The following TNFSF4 variants were observed in gnomAD, a reference collection of about 807,000 sequenced individuals.
The protein encoded by TNFSF4 is TNF superfamily member 4.
A neutral mutation model predicts 7.3 loss-of-function variants in TNFSF4; 4 were observed. The observed-to-expected ratio is 0.55, with a 90% CI of 0.27 to 1.25. The LOEUF (loss-of-function observed/expected upper bound fraction) is 1.25. TNFSF4 is among the 50% of genes most tolerant of loss of function. TNFSF4 has a pLI of 0.12. For synonymous variants in TNFSF4, 76 were observed against 83.7 expected (o/e 0.91, Z 0.50); for missense variants, 181 against 208.8 (o/e 0.87, Z 0.82).
the TNFSF4 span, among the ~76,000 whole-genome samples, chr1:173,294,927 AT>A: frequency 1.3e-5 from 2 of 152,020 alleles, no homozygotes; most frequent in Non-Finnish European, 2.9e-5. Flanking sequence ...AGACAATCCA[AT>A]TTTTTAACGG....
At chr1:173,418,358 G>A in the TNFSF4 span, 2 of 152,230 alleles carry the variant, frequency 1.3e-5, no homozygotes, top group African/African-American at 4.8e-5. Context: ...TGTGCATACG[G>A]TGCACCTTCC....
chr1:173,331,934 G>T, the TNFSF4 span, among the ~76,000 whole-genome samples: 6 of 152,066 alleles, frequency 3.9e-5, no homozygotes, highest in Non-Finnish European at 8.8e-5. Flanking sequence ...GACATTTTTG[G>T]TTGTCATATC....
At chr1:173,389,423 T>C in the TNFSF4 span, among the ~76,000 whole-genome samples, 2 of 152,200 alleles carry the variant, frequency 1.3e-5, no homozygotes, top group Admixed American at 1.3e-4. Context: ...ATTCTCTTTA[T>C]TTCTTTTTCC....
the TNFSF4 span, among the ~76,000 whole-genome samples, chr1:173,403,414 G>C: frequency 3.3e-5 from 5 of 152,200 alleles, no homozygotes; most frequent in Admixed American, 1.3e-4. Flanking sequence ...GTTCGCCAAT[G>C]TAAGTGTCTG....
At chr1:173,265,153 T>C in the TNFSF4 span, among the ~76,000 whole-genome samples, 27 of 152,330 alleles carry the variant, frequency 1.8e-4, no homozygotes, top group South Asian at 5.4e-3. Context: ...CAATGTAGCA[T>C]AGTAAGATTC....
chr1:173,233,214 G>C, the TNFSF4 span, among the ~76,000 whole-genome samples: 1 of 152,170 alleles, frequency 6.6e-6, no homozygotes, highest in Non-Finnish European at 1.5e-5. Flanking sequence ...CGATCAACTG[G>C]AAGAAAGGCG....
the TNFSF4 span, among the ~76,000 whole-genome samples, chr1:173,329,053 C>T: frequency 6.6e-6 from 1 of 152,080 alleles, no homozygotes; most frequent in East Asian, 1.9e-4. Context: ...AACAGGTAAA[C>T]AATTATAGAA....
the TNFSF4 span, among the ~76,000 whole-genome samples, chr1:173,304,810 C>T: frequency 6.6e-6 from 1 of 151,994 alleles, no homozygotes; most frequent in Admixed American, 6.6e-5. Context: ...GCCTCATAAC[C>T]TAGTGTCAGA....
the TNFSF4 span, chr1:173,362,700 AG>A: frequency 2.4e-6 from 1 of 410,774 alleles, no homozygotes; most frequent in Non-Finnish European, 4.8e-6. Context: ...ATGCTGTCAG[AG>A]GAGGGAGGTA....
the TNFSF4 span, among the ~76,000 whole-genome samples, chr1:173,248,621 T>C: frequency 3.4e-4 from 52 of 152,078 alleles, no homozygotes; most frequent in Non-Finnish European, 1.0e-4. Flanking sequence ...CTTTTCAAGA[T>C]GCCAAAGAAA....
At chr1:173,384,443 C>T in the TNFSF4 span, among the ~76,000 whole-genome samples, 11 of 152,070 alleles carry the variant, frequency 7.2e-5, no homozygotes, top group African/African-American at 2.7e-4. Context: ...TTGTTCTCAC[C>T]TTCTTTAGAG....
chr1:173,445,606 AG>A, the TNFSF4 span, among the ~76,000 whole-genome samples: 1 of 152,190 alleles, frequency 6.6e-6, no homozygotes, highest in Non-Finnish European at 1.5e-5. Context: ...GTAAGTCAGT[AG>A]GTAAATTTTC....
intron 1 of TNFSF4, among the ~76,000 whole-genome samples, chr1:173,202,314 C>A (rs1649980596): frequency 6.6e-6 from 1 of 152,136 alleles, no homozygotes; most frequent in Non-Finnish European, 1.5e-5. Context: ...CCAGCATCAT[C>A]CCCATCCAAA....
chr1:173,314,236 T>C, the TNFSF4 span, among the ~76,000 whole-genome samples: 1 of 152,192 alleles, frequency 6.6e-6, no homozygotes, highest in Non-Finnish European at 1.5e-5. Context: ...TATTTCTTCT[T>C]ACATTATGTA....
At chr1:173,354,481 A>AT in the TNFSF4 span, among the ~76,000 whole-genome samples, 148,251 of 152,244 alleles carry the variant, frequency 0.97, 72,324 homozygotes, top group East Asian at 1. Context: ...CTCCTCCCTA[A>AT]TTATTTTATG....
At chr1:173,312,491 T>C in the TNFSF4 span, among the ~76,000 whole-genome samples, 1 of 152,078 alleles carries the variant, frequency 6.6e-6, no homozygotes, top group Non-Finnish European at 1.5e-5. Context: ...CATCCTCCTT[T>C]TTCCTCTCTG....
chr1:173,255,741 C>A, the TNFSF4 span, among the ~76,000 whole-genome samples: 2 of 152,188 alleles, frequency 1.3e-5, no homozygotes, highest in Non-Finnish European at 2.9e-5. Context: ...TAGGAGCTAA[C>A]CTTATAACTA....
the TNFSF4 span, among the ~76,000 whole-genome samples, chr1:173,348,187 T>A: frequency 1.3e-5 from 2 of 152,190 alleles, no homozygotes; most frequent in Non-Finnish European, 2.9e-5. Context: ...AATTCCCTCA[T>A]GTTGTGGGAG....
chr1:173,237,338 T>C, the TNFSF4 span, among the ~76,000 whole-genome samples: 1 of 152,144 alleles, frequency 6.6e-6, no homozygotes, highest in African/African-American at 2.4e-5. Flanking sequence ...TCTCAATAGA[T>C]GAAGAAAAGG....
Sources: gnomAD v4.1 joint callset for allele counts (sites outside exome capture counted in the v4.1 genomes callset) on GRCh38, gnomAD v4.1.1 for gene constraint, MANE v1.5 for transcripts, NCBI Gene and HGNC (gene_info 2026-07-23, HGNC 2026-07-21) for gene names.